Variants in PRDX2 observed in about 807,000 individuals in gnomAD.
The protein encoded by PRDX2 is peroxiredoxin-2.
In PRDX2, 10 loss-of-function variants were observed where a neutral mutation model predicts 19.8. That is an observed-to-expected ratio of 0.50 (90% CI 0.31 to 0.86). The LOEUF (loss-of-function observed/expected upper bound fraction) is 0.86. PRDX2 is among the 40% of genes least tolerant of loss of function. The probability of loss-of-function intolerance (pLI) is 0.04; values close to 1 mark genes in which losing one functional copy is unlikely to be tolerated. For synonymous variants in PRDX2, 118 were observed against 108.2 expected (o/e 1.09, Z -0.56); for missense variants, 226 against 260.1 (o/e 0.87, Z 0.90).
rs1217597918 is a variant in PRDX2 at position 12,801,591 on chromosome 19, C to G, written c.-10+149G>C. 3 of 437,368 alleles carry G rather than the reference C, an allele frequency of 6.9e-6. No individual in the cohort carries two copies. In the East Asian group the frequency reaches 1.3e-4, roughly 19 times the overall value. The allele number at this position is 437,368 out of a possible 1,614,324, so 27.1% of individuals were successfully genotyped here. A position where few individuals can be genotyped will look rare whatever the true frequency, so the allele number is the denominator to read the frequency against. On this transcript the variant is annotated intron_variant, in intron 1 of 5. Coordinates refer to ENST00000301522, the MANE Select transcript of PRDX2 (RefSeq NM_005809.6). ...GGGAAGTCGGGCGATCAGGCCTGCG[C>G]TGCAAGGCTGTGGCCTCGGTTTCCC... is the stretch of plus-strand genomic sequence containing the variant.
At chr19:12,798,716 G>A (rs1223240322) in intron 5 of PRDX2, among the ~76,000 whole-genome samples, 5 of 147,680 alleles carry the variant, frequency 3.4e-5, no homozygotes, top group Non-Finnish European at 5.9e-5. Flanking sequence ...AAGAGATGGG[G>A]TATTGCTATG....
chr19:12,797,896 G>A (rs1330425538), intron 5 of PRDX2, among the ~76,000 whole-genome samples: 1 of 151,470 alleles, frequency 6.6e-6, no homozygotes, highest in Non-Finnish European at 1.5e-5. Context: ...CTGACTTCAG[G>A]TGATCCACCC....
rs1171696616 is a variant in PRDX2 at position 12,800,991 on chromosome 19, C to T, written c.182G>A (p.Arg61His). The T allele has an allele frequency of 1.5e-5, 24 of 1,612,314 alleles. No individual in the cohort carries two copies. The highest frequency in any genetic ancestry group is 4.5e-5 in the East Asian group (2 of 44,886). The change falls in exon 3 of 6, where the codon CGT becomes CAT. Residue 61 changes from arginine to histidine, a missense_variant. Coordinates refer to ENST00000301522, the MANE Select transcript of PRDX2 (RefSeq NM_005809.6). ...GCCCAGCTTGCGGAAGTCCTCTGCA[C>T]GGTTGCTGAACGCGATGATCTCGGT... ...CPTEIIAFSN[R>H]AEDFRKLGCE...
intron 3 of PRDX2, chr19:12,800,634 A>G: frequency 7.4e-7 from 1 of 1,358,598 alleles, no homozygotes; most frequent in Non-Finnish European, 9.7e-7. Flanking sequence ...TGGAGTTTCC[A>G]TCTTCATGAA....
At chr19:12,800,392 G>A (rs937028138) in intron 3 of PRDX2, 93 bp from the exon 4 acceptor site, 43 of 1,483,362 alleles carry the variant, frequency 2.9e-5, no homozygotes, top group African/African-American at 1.4e-4. Flanking sequence ...ACTGGAGGCC[G>A]GAGATAAGGG....
In PRDX2 at chr19:12,801,191, G is replaced by T; in HGVS notation, c.71C>A (p.Ala24Asp). The T allele has an allele frequency of 6.2e-7, 1 of 1,614,014 alleles. No homozygotes were observed. Among genetic ancestry groups the T allele is most frequent in the Non-Finnish European group, 8.5e-7 (1 of 1,180,034 alleles). The change falls in exon 2 of 6, where the codon GCC becomes GAC. Residue 24 changes from alanine (A) to aspartate (D), a missense_variant. Transcript: ENST00000301522. ...GTCCGACAGCTTCACCTCTTTGAAG[G>T]CGCCATCAACCACCGCTGTGGCCTT... ...DFKATAVVDG[A>D]FKEVKLSDYK...
intron 5 of PRDX2, among the ~76,000 whole-genome samples, chr19:12,798,566 G>C (rs1599526575): frequency 6.7e-6 from 1 of 149,978 alleles, no homozygotes; most frequent in Non-Finnish European, 1.5e-5. Flanking sequence ...GGTCAAGCTT[G>C]TCTCGAACTC....
intron 4 of PRDX2, 43 bp from the exon 5 acceptor site, chr19:12,800,032 C>A (rs751881141): frequency 4.4e-6 from 7 of 1,607,964 alleles, no homozygotes; most frequent in Non-Finnish European, 5.9e-6. Context: ...ATAGCTCCCA[C>A]TGCCAGAGAC....
At chr19:12,801,329 T>G in intron 1 of PRDX2, 59 bp from the exon 2 acceptor site, 1 of 1,521,114 alleles carries the variant, frequency 6.6e-7, no homozygotes, top group Non-Finnish European at 8.9e-7. Context: ...CAACCCAAGG[T>G]CGCGCTGCGT....
chr19:12,801,083 A>G lies in PRDX2; in HGVS notation c.104-14T>C. On this transcript the variant is annotated splice_polypyrimidine_tract_variant and intron_variant, in intron 2 of 5. Coordinates refer to ENST00000301522, the MANE Select transcript of PRDX2 (RefSeq NM_005809.6). Reference sequence around the variant, plus strand: ...CCACGTACTTCCCTGGGGAGGAGGGACACAGAGGAGTTAGGGCCCAGCTTC... The same window carrying G: ...CCACGTACTTCCCTGGGGAGGAGGGGCACAGAGGAGTTAGGGCCCAGCTTC... 1 of 1,612,232 alleles carries G rather than the reference A, an allele frequency of 6.2e-7. No individual in the cohort carries two copies. Among genetic ancestry groups the G allele is most frequent in the Non-Finnish European group, 8.5e-7 (1 of 1,178,700 alleles).
chr19:12,801,112 C>T (rs10422248), intron 2 of PRDX2, 43 bp from the exon 3 acceptor site: 63,906 of 1,613,614 alleles, frequency 0.04, 1,954 homozygotes, highest in African/African-American at 0.15. Flanking sequence ...CAGCTTCTCT[C>T]ATGCACGGCC....
rs1321932913 is a variant in PRDX2, at chr19:12,797,656, C to CTTTCTTTTT, written c.512-491_512-490insAAAAAGAAA. 7.3e-4 allele frequency among the ~76,000 whole-genome samples: 83 copies of CTTTCTTTTT among 113,054 alleles called. 1 individual carries two copies. Among genetic ancestry groups the CTTTCTTTTT allele is most frequent in the African/African-American group, 2.9e-3 (80 of 27,568 alleles). The allele number at this position is 113,054 out of a possible 152,430, so 74.2% of individuals were successfully genotyped here. A position where few individuals can be genotyped will look rare whatever the true frequency, so the allele number is the denominator to read the frequency against. On this transcript the variant is annotated intron_variant, in intron 5 of 5. Transcript: ENST00000301522. ...TTCTTTTCTTCTTTTTTCTTTCTTTCTTTTTTTTTTTTTTTTTTTGAGACA... is the reference window on the plus strand; with the variant it reads ...TTCTTTTCTTCTTTTTTCTTTCTTTCTTTCTTTTTTTTTTTTTTTTTTTTTTTTGAGACA...
rs1968859873 is a variant in PRDX2 at position 12,800,008 on chromosome 19, C to T, written c.381-19G>A. 1.2e-6 allele frequency: 2 copies of T among 1,612,122 alleles called. No homozygotes were observed. The highest frequency in any genetic ancestry group is 2.2e-5 in the South Asian group (2 of 90,890). On this transcript the variant is annotated intron_variant, in intron 4 of 5. Coordinates refer to ENST00000301522, the MANE Select transcript of PRDX2 (RefSeq NM_005809.6). ...GAGGCCCCTGAAGACATCAGGGTTC[C>T]CAGTGAGGAGCTGATAGCTCCCACT...
At chr19:12,797,867 T>C (rs1968820623) in intron 5 of PRDX2, among the ~76,000 whole-genome samples, 3 of 148,424 alleles carry the variant, frequency 2.0e-5, no homozygotes, top group Non-Finnish European at 4.5e-5. Context: ...ACCATATTGG[T>C]CAGGCTGATC....
Position 12,800,934 on chromosome 19 carries a change from T to C in PRDX2, c.239A>G (p.Gln80Arg), listed in dbSNP as rs1968882846. Reference protein sequence around the residue: ...CEVLGVSVDSQFTHLAWINTP... With the variant: ...CEVLGVSVDSRFTHLAWINTP... ...CTCATACCAAGCCAGGTGGGTGAAC[T>C]GAGAGTCCACCGAGACGCCCAGCAC... Residue 80 changes from glutamine to arginine, a missense_variant, in exon 3 of 6, where the codon CAG becomes CGG. Transcript: ENST00000301522. 1 of 1,610,564 alleles carries C rather than the reference T, an allele frequency of 6.2e-7. No individual in the cohort carries two copies. The highest frequency in any genetic ancestry group is 8.5e-7 in the Non-Finnish European group (1 of 1,178,986).
Position 12,800,172 on chromosome 19 carries a change from A to G in PRDX2, c.380+5T>C, listed in dbSNP as rs778577772. 15 of 1,613,454 alleles carry G rather than the reference A, an allele frequency of 9.3e-6. No individual in the cohort carries two copies. Among genetic ancestry groups the G allele is most frequent in the Non-Finnish European group, 1.2e-5 (14 of 1,179,696 alleles). ...CCCTGAGCCGGGCTGAGGGTCCCAC[A>G]GTACCTGTAGGCAATGCCCTCATCT... On this transcript the variant is annotated splice_donor_5th_base_variant and intron_variant, in intron 4 of 5. Transcript: ENST00000301522.
At position 12,797,750 on chromosome 19, in the gene PRDX2, C is replaced by T. The variant is rs556742579; in HGVS notation, c.512-584G>A. Among the ~76,000 whole-genome samples the T allele has an allele frequency of 5.3e-5, 8 of 150,122 alleles. No homozygotes were observed. In the South Asian group the frequency reaches 1.7e-3, roughly 32 times the overall value. On this transcript the variant is annotated intron_variant, in intron 5 of 5. Coordinates refer to ENST00000301522, the MANE Select transcript of PRDX2 (RefSeq NM_005809.6). ...TCGGCTCATTGCAACCTCTGCCTCC[C>T]GCGTTCAAGTGATTCTCCTGCCTTA...
At position 12,801,799 on chromosome 19, in the gene PRDX2, C is replaced by T. The variant is rs956944036; in HGVS notation, c.-69G>A. On this transcript the variant is annotated 5_prime_UTR_variant, in exon 1 of 6. Transcript: ENST00000301522. ...CACGCGTGGACCCGCGTTCTCAGCG[C>T]CAAGTGAGCCCTGGGCCGCGAAGCC... is the stretch of plus-strand genomic sequence containing the variant. The T allele has an allele frequency of 4.0e-5, 14 of 350,050 alleles. No homozygotes were observed. The highest frequency in any genetic ancestry group is 6.7e-5 in the Non-Finnish European group (13 of 194,870). The allele number at this position is 350,050 out of a possible 1,614,324, so 21.7% of individuals were successfully genotyped here.
chr19:12,800,156 G>C (rs372087639), intron 4 of PRDX2, 21 bp downstream of exon 4: 1 of 1,611,462 alleles, frequency 6.2e-7, no homozygotes, highest in African/African-American at 1.3e-5. Context: ...TCCCTGAGCC[G>C]GGCTGAGGGT....
Sources: gnomAD v4.1 joint callset for allele counts (sites outside exome capture counted in the v4.1 genomes callset) on GRCh38, gnomAD v4.1.1 for gene constraint, MANE v1.5 for transcripts, NCBI Gene and HGNC (gene_info 2026-07-23, HGNC 2026-07-21) for gene names.